CDH2: variants seen among roughly 807,000 people sequenced by gnomAD.
CDH2 encodes the protein cadherin-2.
In CDH2, 17 loss-of-function variants were observed where a neutral mutation model predicts 92.0. The ratio of observed to expected loss-of-function variants is 0.18; its 90% CI spans 0.13 to 0.28. The LOEUF (loss-of-function observed/expected upper bound fraction) is 0.28. Ranked by LOEUF, CDH2 falls within the 10% of genes least tolerant of loss-of-function variation. CDH2 has a pLI of 1.00. For synonymous variants in CDH2, 419 were observed against 415.9 expected, an observed-to-expected ratio of 1.01 and a Z score of -0.09; for missense variants, 862 against 1,133.1, an observed-to-expected ratio of 0.76 and a Z score of 3.44.
intron 1 of CDH2, among the ~76,000 whole-genome samples, chr18:28,164,520 G>A (rs576798260): frequency 6.6e-6 from 1 of 152,258 alleles, no homozygotes; most frequent in African/African-American, 2.4e-5. Flanking sequence ...CACCTTCCCT[G>A]TTTTCCCAGA....
intron 7 of CDH2, among the ~76,000 whole-genome samples, chr18:27,995,772 C>T (rs140007951): frequency 6.6e-6 from 1 of 152,128 alleles, no homozygotes; most frequent in East Asian, 1.9e-4. Context: ...CAAAAGGACA[C>T]TTGTTATTTC....
chr18:28,037,195 C>T (rs753658337), intron 2 of CDH2, among the ~76,000 whole-genome samples: 2 of 152,224 alleles, frequency 1.3e-5, no homozygotes, highest in Admixed American at 6.5e-5. Context: ...TACAAAATCT[C>T]ATAAATAAAG....
chr18:28,100,653 G>A (rs1268641322), intron 2 of CDH2, among the ~76,000 whole-genome samples: 2 of 152,194 alleles, frequency 1.3e-5, no homozygotes, highest in African/African-American at 4.8e-5. Flanking sequence ...GTATGGCACA[G>A]TTTACCTGTG....
intron 5 of CDH2, among the ~76,000 whole-genome samples, chr18:28,007,206 G>C (rs1452318011): frequency 7.5e-6 from 1 of 132,772 alleles, no homozygotes; most frequent in Non-Finnish European, 1.6e-5. Context: ...GAGTATATAC[G>C]ATAGCTGTTC....
At chr18:28,027,863 A>G (rs1042454038) in intron 2 of CDH2, among the ~76,000 whole-genome samples, 1 of 151,012 alleles carries the variant, frequency 6.6e-6, no homozygotes, top group Non-Finnish European at 1.5e-5. Flanking sequence ...TTTTTTGCAG[A>G]ATGTACCCAT....
chr18:28,164,225 C>T lies in CDH2; in HGVS notation c.60+12738G>A, dbSNP rs570701809. ...TCAAACCTAGATACACAGGCCCTGA[C>T]ATCAGGCTACTTGCATTTAAACCCC... On this transcript the variant is annotated intron_variant, in intron 1 of 15. Transcript: ENST00000269141. Among the ~76,000 whole-genome samples, 5 of 152,314 alleles carry T rather than the reference C, an allele frequency of 3.3e-5. No individual in the cohort carries two copies. In the South Asian group the frequency reaches 1.0e-3, roughly 32 times the overall value.
intron 9 of CDH2, 131 bp from the exon 10 acceptor site, chr18:27,990,481 GT>G: frequency 1.3e-6 from 1 of 799,466 alleles, no homozygotes; most frequent in Non-Finnish European, 1.9e-6. Flanking sequence ...TTCCTCTCAA[GT>G]TTCTGGAAAA....
intron 2 of CDH2, among the ~76,000 whole-genome samples, chr18:28,101,206 G>C (rs1411880618): frequency 2.0e-5 from 3 of 152,110 alleles, no homozygotes; most frequent in Admixed American, 2.0e-4. Context: ...ATTGGCTCTA[G>C]AACACCTTAG....
intron 7 of CDH2, among the ~76,000 whole-genome samples, chr18:27,996,664 GAC>G (rs144932616): frequency 6.6e-6 from 1 of 152,034 alleles, no homozygotes; most frequent in Non-Finnish European, 1.5e-5. Flanking sequence ...CAGAGACACA[GAC>G]ACACACACAC....
chr18:27,947,718 A>AGT (rs1164065031), downstream of CDH2, among the ~76,000 whole-genome samples: 31 of 79,458 alleles, frequency 3.9e-4, no homozygotes, highest in Non-Finnish European at 8.3e-4. Flanking sequence ...ATGTGATATA[A>AGT]GTATGTGATG....
chr18:28,168,383 A>G (rs1203505628), intron 1 of CDH2, among the ~76,000 whole-genome samples: 2 of 152,156 alleles, frequency 1.3e-5, no homozygotes, highest in Non-Finnish European at 2.9e-5. Context: ...TGTGCGAAAA[A>G]GTAATGCAAA....
At chr18:28,026,213 T>TCCC (rs1474564782) in intron 2 of CDH2, among the ~76,000 whole-genome samples, 2 of 152,108 alleles carry the variant, frequency 1.3e-5, no homozygotes, top group Non-Finnish European at 2.9e-5. Flanking sequence ...TTCTTCTACT[T>TCCC]CCCCCTGGGA....
intron 1 of CDH2, among the ~76,000 whole-genome samples, chr18:28,173,980 T>C (rs1371386217): frequency 6.6e-6 from 1 of 152,122 alleles, no homozygotes; most frequent in East Asian, 1.9e-4. Context: ...CATCTTAAAA[T>C]AAGACTAAAG....
chr18:28,149,640 T>A (rs1320872167), intron 1 of CDH2, among the ~76,000 whole-genome samples: 1 of 152,114 alleles, frequency 6.6e-6, no homozygotes, highest in Non-Finnish European at 1.5e-5. Context: ...AACACATACT[T>A]ATGTAAGAAG....
At chr18:27,971,259 A>T (rs2143913075) in intron 14 of CDH2, among the ~76,000 whole-genome samples, 1 of 147,028 alleles carries the variant, frequency 6.8e-6, no homozygotes, top group Middle Eastern at 3.6e-3. Context: ...TAGCTGGTGG[A>T]TTTGGTAGCT....
intron 2 of CDH2, among the ~76,000 whole-genome samples, chr18:28,068,136 A>G (rs575490634): frequency 1.3e-5 from 2 of 152,292 alleles, no homozygotes; most frequent in East Asian, 3.9e-4. Flanking sequence ...CCGAAACACA[A>G]GGGAGGATCC....
In CDH2 at chr18:28,133,332, C is replaced by T. The variant is rs558195390; in HGVS notation, c.172+14341G>A. 1.0e-3 allele frequency among the ~76,000 whole-genome samples: 153 copies of T among 152,026 alleles called. 1 individual carries two copies. The highest frequency in any genetic ancestry group is 3.5e-3 in the African/African-American group (146 of 41,474). The stretch of plus-strand genomic sequence containing the variant: ...GGCGTGATGGCTCATGCCTGTAATC[C>T]GAGCACTCTGGGAGGCCGAGGCGGG... On this transcript the variant is annotated intron_variant, in intron 2 of 15. Coordinates refer to ENST00000269141, the MANE Select transcript of CDH2 (RefSeq NM_001792.5).
intron 15 of CDH2, among the ~76,000 whole-genome samples, chr18:27,955,781 A>T (rs1313079552): frequency 4.8e-3 from 146 of 30,502 alleles, no homozygotes; most frequent in Middle Eastern, 0.029. Context: ...TTTTTTTTTT[A>T]AAGAGGTTAA....
At chr18:28,127,597 A>C (rs2144284982) in intron 2 of CDH2, among the ~76,000 whole-genome samples, 1 of 152,368 alleles carries the variant, frequency 6.6e-6, no homozygotes, top group African/African-American at 2.4e-5. Context: ...TTAACTGAGC[A>C]CCAAGGCTGA....
Sources: gnomAD v4.1 joint callset for allele counts (sites outside exome capture counted in the v4.1 genomes callset) on GRCh38, gnomAD v4.1.1 for gene constraint, MANE v1.5 for transcripts, NCBI Gene and HGNC (gene_info 2026-07-23, HGNC 2026-07-21) for gene names.